Variants in ROR1 observed in about 807,000 individuals in gnomAD.
ROR1 encodes the protein inactive tyrosine-protein kinase transmembrane receptor ROR1.
In ROR1, 19 loss-of-function variants were observed where a neutral mutation model predicts 78.8. The observed-to-expected ratio is 0.24, with a 90% confidence interval of 0.17 to 0.35. The LOEUF is 0.35. ROR1 is among the 10% of genes least tolerant of loss of function. ROR1 has a pLI of 1.00. For synonymous variants in ROR1, 386 were observed against 433.6 expected, an observed-to-expected ratio of 0.89 and a Z score of 1.36; for missense variants, 917 against 1,177.8, an observed-to-expected ratio of 0.78 and a Z score of 3.24.
At chr1:63,967,496 G>A (rs1049286893) in intron 1 of ROR1, among the ~76,000 whole-genome samples, 16 of 152,092 alleles carry the variant, frequency 1.1e-4, no homozygotes, top group African/African-American at 3.9e-4. Context: ...GAGTAGCTGG[G>A]ACTACAGGTG....
chr1:64,010,366 C>CTTTTTTTT (rs74685806), intron 2 of ROR1, among the ~76,000 whole-genome samples: 8 of 141,972 alleles, frequency 5.6e-5, no homozygotes, highest in African/African-American at 2.1e-4. Flanking sequence ...TTCTATCTTA[C>CTTTTTTTT]TTTTTTTTTT....
At chr1:64,050,054 G>A in intron 3 of ROR1, 76 bp downstream of exon 3, 1 of 1,489,706 alleles carries the variant, frequency 6.7e-7, no homozygotes, top group South Asian at 1.2e-5. Flanking sequence ...CACAGGGACA[G>A]GAAGGAAGGA....
In ROR1 at chr1:64,153,557, GAATATT is replaced by G. The variant is rs1649689386; in HGVS notation, c.1175-5422_1175-5417del. 4.6e-5 allele frequency among the ~76,000 whole-genome samples: 7 copies of G among 152,150 alleles called. No individual in the cohort carries two copies. The South Asian group carries it at 1.4e-3, about 31-fold the overall frequency. Reference sequence around the variant, plus strand: ...GAAAACATGGTATATGCAAACAATGGAATATTATTCAGTCATAAAAAGAAGGAAATC... The same window carrying G: ...GAAAACATGGTATATGCAAACAATGGATTCAGTCATAAAAAGAAGGAAATC... On this transcript the variant is annotated intron_variant, in intron 7 of 8. Coordinates refer to ENST00000371079, the MANE Select transcript of ROR1 (RefSeq NM_005012.4).
chr1:63,842,500 T>C (rs1206415818), intron 1 of ROR1, among the ~76,000 whole-genome samples: 1 of 152,176 alleles, frequency 6.6e-6, no homozygotes, highest in African/African-American at 2.4e-5. Context: ...ACAAAGATGC[T>C]TCACCTTTGC....
At chr1:63,786,263 T>TA in intron 1 of ROR1, among the ~76,000 whole-genome samples, 1 of 60,276 alleles carries the variant, frequency 1.7e-5, no homozygotes, top group Non-Finnish European at 3.1e-5. Context: ...TTGATTTTTT[T>TA]TTTTTTTTTT....
chr1:63,826,836 G>A (rs76701387), intron 1 of ROR1, among the ~76,000 whole-genome samples: 4,928 of 152,018 alleles, frequency 0.032, 187 homozygotes, highest in South Asian at 0.096. Flanking sequence ...TTTAGTAATA[G>A]CCATTCTGAC....
intron 1 of ROR1, among the ~76,000 whole-genome samples, chr1:63,902,054 C>T (rs889514335): frequency 6.6e-6 from 1 of 152,060 alleles, no homozygotes; most frequent in African/African-American, 2.4e-5. Context: ...AACATCCAAA[C>T]CATGATATAT....
chr1:64,101,535 T>C (rs1057418226), intron 4 of ROR1, among the ~76,000 whole-genome samples: 2 of 152,130 alleles, frequency 1.3e-5, no homozygotes, highest in Non-Finnish European at 2.9e-5. Flanking sequence ...CACAGATATT[T>C]ACTGAGCACC....
At chr1:63,986,596 A>G (rs1646253968) in intron 1 of ROR1, among the ~76,000 whole-genome samples, 1 of 152,208 alleles carries the variant, frequency 6.6e-6, no homozygotes, top group Non-Finnish European at 1.5e-5. Flanking sequence ...AGGAGTTCTT[A>G]GAAAAGTGTC....
chr1:63,985,518 A>T (rs1389118990), intron 1 of ROR1, among the ~76,000 whole-genome samples: 1 of 152,134 alleles, frequency 6.6e-6, no homozygotes, highest in Admixed American at 6.6e-5. Flanking sequence ...CCACAGGTGG[A>T]AAATTCCACA....
chr1:63,814,351 T>C (rs2100274084), intron 1 of ROR1, among the ~76,000 whole-genome samples: 1 of 152,266 alleles, frequency 6.6e-6, no homozygotes, highest in South Asian at 2.1e-4. Flanking sequence ...ATGCAGCTAT[T>C]CAGGCTGCCT....
chr1:63,877,849 A>G lies in ROR1; in HGVS notation c.91+103341A>G, dbSNP rs942211473. Among the ~76,000 whole-genome samples the G allele has an allele frequency of 5.3e-5, 8 of 152,340 alleles. No individual in the cohort carries two copies. In the East Asian group the frequency reaches 1.3e-3, roughly 26 times the overall value. On this transcript the variant is annotated intron_variant, in intron 1 of 8. Coordinates refer to ENST00000371079, the MANE Select transcript of ROR1 (RefSeq NM_005012.4). ...CATTTGATGTATGCTGTCAAAGTTT[A>G]TAAACTATCTGATGAATTAGTAAGA...
chr1:63,833,839 G>T (rs894375024), intron 1 of ROR1, among the ~76,000 whole-genome samples: 1 of 151,442 alleles, frequency 6.6e-6, no homozygotes, highest in African/African-American at 2.4e-5. Flanking sequence ...GCATATTTAC[G>T]CACTGGTTTT....
chr1:63,905,797 A>G (rs1645523536), intron 1 of ROR1, among the ~76,000 whole-genome samples: 1 of 152,224 alleles, frequency 6.6e-6, no homozygotes, highest in South Asian at 2.1e-4. Context: ...TTCAAAAATT[A>G]TAAACAAAAC....
At chr1:63,945,032 T>C (rs1173551640) in intron 1 of ROR1, among the ~76,000 whole-genome samples, 1 of 152,096 alleles carries the variant, frequency 6.6e-6, no homozygotes, top group Admixed American at 6.5e-5. Flanking sequence ...CTTTGGTAAT[T>C]TTTTATATCC....
intron 4 of ROR1, among the ~76,000 whole-genome samples, chr1:64,076,072 G>A (rs559369147): frequency 6.6e-6 from 1 of 151,584 alleles, no homozygotes; most frequent in African/African-American, 2.4e-5. Context: ...TGCTGACAGA[G>A]GAAGAAGAAT....
chr1:63,828,770 T>G (rs1474097545), intron 1 of ROR1, among the ~76,000 whole-genome samples: 1 of 152,152 alleles, frequency 6.6e-6, no homozygotes, highest in East Asian at 1.9e-4. Context: ...TAGCTACTAT[T>G]CTCCTCTCCA....
chr1:64,080,165 T>A (rs1270207874), intron 4 of ROR1, among the ~76,000 whole-genome samples: 2 of 152,174 alleles, frequency 1.3e-5, no homozygotes, highest in African/African-American at 4.8e-5. Flanking sequence ...ATTGGTTGCT[T>A]TCTTTTTTGG....
intron 1 of ROR1, among the ~76,000 whole-genome samples, chr1:64,005,523 A>T (rs776668496): frequency 5.1e-4 from 77 of 152,204 alleles, no homozygotes; most frequent in Non-Finnish European, 9.8e-4. Context: ...GAAATGTCTC[A>T]TGCTTTTGCC....
Sources: gnomAD v4.1 joint callset for allele counts (sites outside exome capture counted in the v4.1 genomes callset) on GRCh38, gnomAD v4.1.1 for gene constraint, MANE v1.5 for transcripts, NCBI Gene and HGNC (gene_info 2026-07-23, HGNC 2026-07-21) for gene names.